The following SYT1 variants were observed in gnomAD, a reference collection of about 807,000 sequenced individuals.
The protein encoded by SYT1 is synaptotagmin 1.
SYT1 carries 8 observed loss-of-function variants against 44.8 expected under a neutral mutation model. That is an observed-to-expected ratio of 0.18 (90% CI 0.10 to 0.32). The LOEUF is 0.32. SYT1 is among the 10% of genes least tolerant of loss of function. SYT1 has a pLI of 1.00. For synonymous variants in SYT1, 154 were observed against 188.8 expected (o/e 0.82, Z 1.51); for missense variants, 286 against 509.3 (o/e 0.56, Z 4.22).
intron 3 of SYT1, among the ~76,000 whole-genome samples, chr12:79,149,739 A>G (rs1213545584): frequency 6.6e-6 from 1 of 152,180 alleles, no homozygotes; most frequent in East Asian, 1.9e-4. Context: ...CCTGTGATAG[A>G]CTGCCTTAGC....
chr12:79,293,406 A>AAAATAAAATTAAATT lies in SYT1; in HGVS notation c.474+1280_474+1281insAAAATTAAATTAAAT, dbSNP rs1491364410. On this transcript the variant is annotated intron_variant, in intron 6 of 10. Transcript: ENST00000261205. The stretch of plus-strand genomic sequence containing the variant: ...AAAATAAAATAAAATAAAATAAAAT[A>AAAATAAAATTAAATT]AAATTAAAAAATCTGTAAGACATAG... Among the ~76,000 whole-genome samples the AAAATAAAATTAAATT allele has an allele frequency of 2.2e-4, 14 of 63,776 alleles. No homozygotes were observed. In the East Asian group the frequency reaches 7.2e-3, roughly 33 times the overall value. 41.8% of individuals were successfully genotyped at this position (63,776 alleles called of 152,430 possible). A position where few individuals can be genotyped will look rare whatever the true frequency, so the allele number is the denominator to read the frequency against.
chr12:79,280,569 A>G (rs940746441), intron 4 of SYT1, among the ~76,000 whole-genome samples: 18 of 152,008 alleles, frequency 1.2e-4, no homozygotes, highest in South Asian at 6.2e-4. Context: ...AAACCTAGGG[A>G]AAAAAACTCT....
intron 1 of SYT1, among the ~76,000 whole-genome samples, chr12:78,890,953 C>G (rs1310520833): frequency 6.6e-6 from 1 of 151,898 alleles, no homozygotes; most frequent in Non-Finnish European, 1.5e-5. Flanking sequence ...ATGCACCTCT[C>G]CAGATTTTAG....
intron 1 of SYT1, among the ~76,000 whole-genome samples, chr12:78,925,855 GGT>G (rs1877275173): frequency 6.6e-6 from 1 of 151,742 alleles, no homozygotes; most frequent in Non-Finnish European, 1.5e-5. Flanking sequence ...CTAAAATTTT[GGT>G]ATTTTAACTC....
chr12:78,895,623 T>C (rs570126179), intron 1 of SYT1, among the ~76,000 whole-genome samples: 1 of 151,938 alleles, frequency 6.6e-6, no homozygotes, highest in Non-Finnish European at 1.5e-5. Flanking sequence ...ATATTTTAAA[T>C]AATAACATAT....
intron 8 of SYT1, among the ~76,000 whole-genome samples, chr12:79,344,315 G>C (rs895447214): frequency 6.6e-6 from 1 of 152,046 alleles, no homozygotes; most frequent in Non-Finnish European, 1.5e-5. Flanking sequence ...ACTGACCACT[G>C]TGCCCAAGTG....
chr12:79,320,901 G>A (rs1288203030), intron 8 of SYT1, among the ~76,000 whole-genome samples: 4 of 151,892 alleles, frequency 2.6e-5, no homozygotes, highest in African/African-American at 9.7e-5. Flanking sequence ...GATTACAGGT[G>A]TGAGCCACCA....
chr12:78,890,825 C>T (rs543375493), intron 1 of SYT1, among the ~76,000 whole-genome samples: 4 of 152,000 alleles, frequency 2.6e-5, no homozygotes, highest in East Asian at 1.9e-4. Flanking sequence ...TCTATCTTTT[C>T]CTTTCACCAT....
At chr12:79,292,297 T>C (rs1386169820) in intron 6 of SYT1, among the ~76,000 whole-genome samples, 167 bp downstream of exon 6, 3 of 152,232 alleles carry the variant, frequency 2.0e-5, no homozygotes, top group Non-Finnish European at 2.9e-5. Context: ...CCCTACTTGC[T>C]AATTTAACTT....
chr12:79,422,167 T>A (rs886465554), intron 9 of SYT1, among the ~76,000 whole-genome samples: 1 of 152,096 alleles, frequency 6.6e-6, no homozygotes, highest in Non-Finnish European at 1.5e-5. Flanking sequence ...CTTAGTTCTG[T>A]AACCTTCCTG....
chr12:79,060,062 G>A (rs969366752), intron 3 of SYT1, among the ~76,000 whole-genome samples: 1 of 152,048 alleles, frequency 6.6e-6, no homozygotes, highest in Non-Finnish European at 1.5e-5. Flanking sequence ...AAGAGAGTGA[G>A]CTCCACAAGT....
chr12:79,392,251 A>G (rs926717725), intron 9 of SYT1: 31 of 152,218 alleles, frequency 2.0e-4, no homozygotes, highest in African/African-American at 7.0e-4. Flanking sequence ...ACTATGAAAA[A>G]TGTTATTTAA....
At chr12:79,297,485 A>G (rs1879930242) in intron 7 of SYT1, among the ~76,000 whole-genome samples, 1 of 152,136 alleles carries the variant, frequency 6.6e-6, no homozygotes, top group Admixed American at 6.6e-5. Flanking sequence ...TTCTTAAATT[A>G]TATGAGCTAA....
intron 3 of SYT1, among the ~76,000 whole-genome samples, chr12:79,095,972 T>C (rs1261364642): frequency 1.3e-5 from 2 of 151,848 alleles, no homozygotes; most frequent in Non-Finnish European, 2.9e-5. Context: ...CGTTTTCATA[T>C]TGTACAGGAA....
chr12:79,317,779 G>A (rs539884190), intron 8 of SYT1, among the ~76,000 whole-genome samples: 2 of 152,190 alleles, frequency 1.3e-5, no homozygotes, highest in African/African-American at 2.4e-5. Flanking sequence ...GAAGAGTGCA[G>A]CAGTGCACCG....
chr12:79,119,970 A>C (rs1295035584), intron 3 of SYT1, among the ~76,000 whole-genome samples: 1 of 152,092 alleles, frequency 6.6e-6, no homozygotes, highest in Admixed American at 6.6e-5. Flanking sequence ...GCTGCCTCCT[A>C]AAGACCTGCT....
chr12:78,918,738 A>G (rs1876811614), intron 1 of SYT1, among the ~76,000 whole-genome samples: 1 of 152,050 alleles, frequency 6.6e-6, no homozygotes, highest in African/African-American at 2.4e-5. Flanking sequence ...GTGACTTATA[A>G]TGGGTAGAAA....
chr12:79,023,831 C>T (rs779323334), intron 2 of SYT1, among the ~76,000 whole-genome samples: 1 of 151,694 alleles, frequency 6.6e-6, no homozygotes, highest in Non-Finnish European at 1.5e-5. Context: ...CACACATCCA[C>T]TTTTGTTTTC....
intron 9 of SYT1, among the ~76,000 whole-genome samples, chr12:79,423,695 G>A (rs1166810686): frequency 1.3e-5 from 2 of 151,998 alleles, no homozygotes; most frequent in African/African-American, 4.8e-5. Flanking sequence ...TCAGATCTAA[G>A]AAACCCATTT....
Sources: allele counts gnomAD v4.1 joint callset (sites outside exome capture counted in the v4.1 genomes callset), GRCh38; gene constraint gnomAD v4.1.1; transcripts MANE v1.5; gene names NCBI Gene and HGNC (gene_info 2026-07-23, HGNC 2026-07-21).